Variants in EIF2D observed in about 807,000 individuals in gnomAD.
The protein encoded by EIF2D is eukaryotic translation initiation factor 2D.
Under a neutral mutation model 77.4 loss-of-function variants are expected in EIF2D, and 56 were observed. The ratio of observed to expected loss-of-function variants is 0.72; its 90% CI spans 0.58 to 0.90. EIF2D has a LOEUF of 0.90. Ranked by LOEUF, EIF2D falls within the 40% of genes least tolerant of loss-of-function variation. The pLI is 0.00. For missense variants in EIF2D, 574 were observed against 706.5 expected (o/e 0.81, Z 2.13); for synonymous variants, 230 against 271.0 (o/e 0.85, Z 1.49).
chr1:206,578,644 A>C (rs1668749550), intron 4 of EIF2D, among the ~76,000 whole-genome samples: 1 of 152,190 alleles, frequency 6.6e-6, no homozygotes, highest in Admixed American at 6.5e-5. Context: ...ATTTTGGTCA[A>C]GAAAAAGTAG....
chr1:206,590,663 G>A (rs1034477649), downstream of EIF2D, among the ~76,000 whole-genome samples: 5 of 152,110 alleles, frequency 3.3e-5, no homozygotes, highest in South Asian at 2.1e-4. Context: ...GATAACAGAC[G>A]GTAGGAGGCG....
intron 5 of EIF2D, among the ~76,000 whole-genome samples, chr1:206,604,195 C>T (rs1269449387): frequency 6.6e-6 from 1 of 152,184 alleles, no homozygotes; most frequent in Non-Finnish European, 1.5e-5. Flanking sequence ...GTAATCTCAG[C>T]ACTTTGGGAG....
intron 4 of EIF2D, among the ~76,000 whole-genome samples, chr1:206,576,286 AC>A (rs1280035702): frequency 1.3e-5 from 2 of 152,208 alleles, no homozygotes; most frequent in Non-Finnish European, 2.9e-5. Flanking sequence ...GGTAATTTGT[AC>A]TTTTGCTGCA....
intron 4 of EIF2D, among the ~76,000 whole-genome samples, chr1:206,573,634 A>G (rs1169998975): frequency 6.6e-6 from 1 of 152,230 alleles, no homozygotes; most frequent in Non-Finnish European, 1.5e-5. Flanking sequence ...GGCATAGAGA[A>G]GTAGTAGCAG....
chr1:206,597,269 T>C, intron 11 of EIF2D, 74 bp from the exon 12 acceptor site: 5 of 1,122,060 alleles, frequency 4.5e-6, no homozygotes, highest in Non-Finnish European at 6.7e-6. Context: ...TCAGGATTCA[T>C]CTCTCGTACG....
downstream of EIF2D, among the ~76,000 whole-genome samples, chr1:206,569,578 G>T (rs1373901087): frequency 6.6e-6 from 1 of 152,242 alleles, no homozygotes; most frequent in Non-Finnish European, 1.5e-5. Context: ...GGCCACCTCA[G>T]TCTGCTGGCC....
intron 5 of EIF2D, 133 bp from the exon 6 acceptor site, chr1:206,603,337 GCCTGTGCCCTCATCTC>G: frequency 8.2e-7 from 1 of 1,214,478 alleles, no homozygotes. Flanking sequence ...GGGGCAGAGA[GCCTGTGCCCTCATCTC>G]AAGCGTACTT....
At chr1:206,587,789 A>G (rs1409060353), downstream of EIF2D, 1 of 152,450 alleles carries the variant, frequency 6.6e-6, no homozygotes, top group Non-Finnish European at 1.5e-5. Context: ...GAAGCCAGTC[A>G]TTGACCATTT....
intron 4 of EIF2D, among the ~76,000 whole-genome samples, chr1:206,606,252 C>T (rs190831752): frequency 2.6e-5 from 4 of 152,276 alleles, no homozygotes; most frequent in African/African-American, 9.6e-5. Flanking sequence ...GTGAGAGTTC[C>T]CAATACTTGA....
chr1:206,576,273 G>A (rs1272725041), intron 4 of EIF2D, among the ~76,000 whole-genome samples: 1 of 152,186 alleles, frequency 6.6e-6, no homozygotes, highest in East Asian at 1.9e-4. Context: ...GATCTGTGAC[G>A]ATGGTAATTT....
At chr1:206,606,175 G>A (rs75647584) in intron 4 of EIF2D, among the ~76,000 whole-genome samples, 4,368 of 152,314 alleles carry the variant, frequency 0.029, 96 homozygotes, top group Admixed American at 0.045. Flanking sequence ...TGCCTGTAAG[G>A]ATAGGTGACT....
chr1:206,576,729 G>A (rs1668673161), intron 4 of EIF2D, among the ~76,000 whole-genome samples: 1 of 152,214 alleles, frequency 6.6e-6, no homozygotes, highest in African/African-American at 2.4e-5. Flanking sequence ...AGGGCTAATA[G>A]TGTTCTAGGC....
rs1553411027 is a variant in EIF2D at position 206,600,256 on chromosome 1, T to C, written c.948+7A>G. 6.2e-7 allele frequency: 1 copy of C among 1,613,990 alleles called. No homozygotes were observed. ...TGCATGGGTCTGCAAAGAAGATCCT[T>C]GCTTACCTTTTTGTAGCTTGACTTC... On this transcript the variant is annotated splice_region_variant and intron_variant, in intron 8 of 14. Transcript: ENST00000271764.
chr1:206,571,414 G>A (rs1339858172), exon 6 of EIF2D: 1 of 152,108 alleles, frequency 6.6e-6, no homozygotes, highest in Non-Finnish European at 1.5e-5. Context: ...GTTGGCCTGG[G>A]ATGGGGTATT....
At position 206,605,134 on chromosome 1, in the gene EIF2D, T is replaced by C. The variant is rs915543162; in HGVS notation, c.530+266A>G. 31 of 326,730 alleles carry C rather than the reference T, an allele frequency of 9.5e-5. No individual in the cohort carries two copies. In the East Asian group the frequency reaches 1.8e-3, roughly 19 times the overall value. The allele number at this position is 326,730 out of a possible 1,614,324, so 20.2% of individuals were successfully genotyped here. On this transcript the variant is annotated intron_variant, in intron 5 of 14. Transcript: ENST00000271764. ...GGCTATAAAAAAACGAGTATCACTG[T>C]ACTGAGAGGCAGAGCAGATGATCCC...
chr1:206,593,720 C>A lies in EIF2D; in HGVS notation c.1583G>T (p.Cys528Phe), dbSNP rs541965110. Residue 528 changes from cysteine to phenylalanine, a missense_variant, in exon 14 of 15, where the codon TGC becomes TTC. Cys to Phe is a radical substitution (Grantham distance 205). Transcript: ENST00000271764. ...AGGATTGACGGTGGTGCTAGCCTGG[C>A]ATCGCTGCTGAAGGATGGCAGCCAC... is the stretch of plus-strand genomic sequence containing the variant. ...YSVAAILQQR[C>F]QASTTVNPAP... 6.2e-6 allele frequency: 10 copies of A among 1,613,864 alleles called. No homozygotes were observed. Among genetic ancestry groups the A allele is most frequent in the Admixed American group, 5.0e-5 (3 of 60,012 alleles).
downstream of EIF2D, among the ~76,000 whole-genome samples, chr1:206,569,843 T>C (rs572722951): frequency 1.5e-3 from 226 of 152,172 alleles, no homozygotes; most frequent in Non-Finnish European, 2.5e-3. Context: ...TGTGTTCATT[T>C]TGCATCCCAG....
intron 4 of EIF2D, among the ~76,000 whole-genome samples, chr1:206,575,529 G>A (rs1011696934): frequency 4.6e-5 from 7 of 152,248 alleles, no homozygotes; most frequent in East Asian, 1.9e-4. Flanking sequence ...AAGTCGTGGC[G>A]GTTAGAAATG....
Position 206,592,136 on chromosome 1 carries a change from T to G in EIF2D, c.1685-291A>C, listed in dbSNP as rs111385559. Reference sequence around the variant, plus strand: ...CATAACATTTCTTCTCAGTACCTTGTATGGGGTTCTTCACATAAAGAGGCT... The same window carrying G: ...CATAACATTTCTTCTCAGTACCTTGGATGGGGTTCTTCACATAAAGAGGCT... On this transcript the variant is annotated intron_variant, in intron 14 of 14. Transcript: ENST00000271764. This position sits in a 1 kb window ranked among gnomAD's most constrained non-coding sequence, Gnocchi z 4.7. Among the ~76,000 whole-genome samples the G allele has an allele frequency of 5.0e-3, 760 of 152,344 alleles. 4 individuals carry two copies. The highest frequency in any genetic ancestry group is 8.6e-3 in the Non-Finnish European group (585 of 68,032).
Sources: gnomAD v4.1 joint callset for allele counts (sites outside exome capture counted in the v4.1 genomes callset) on GRCh38, gnomAD v4.1.1 for gene constraint, Gnocchi (gnomAD v3.1) non-coding constraint, MANE v1.5 for transcripts, NCBI Gene and HGNC (gene_info 2026-07-23, HGNC 2026-07-21) for gene names.